DPP6: variants seen among roughly 807,000 people sequenced by gnomAD.
The protein encoded by DPP6 is A-type potassium channel modulatory protein DPP6.
Under a neutral mutation model 122.6 loss-of-function variants are expected in DPP6, and 69 were observed. The ratio of observed to expected loss-of-function variants is 0.56; its 90% CI spans 0.46 to 0.69. The LOEUF is 0.69. Among genes scored for constraint, DPP6 ranks in the 30% least tolerant of loss-of-function variants. The probability of loss-of-function intolerance (pLI) is 0.00; values close to 1 mark genes in which losing one functional copy is unlikely to be tolerated. For missense variants in DPP6, 928 were observed against 1,116.9 expected (o/e 0.83, Z 2.41); for synonymous variants, 418 against 433.1 (o/e 0.97, Z 0.43).
At chr7:154,554,452 C>G (rs562563428) in intron 4 of DPP6, among the ~76,000 whole-genome samples, 1 of 152,046 alleles carries the variant, frequency 6.6e-6, no homozygotes, top group Non-Finnish European at 1.5e-5. Flanking sequence ...CATTACTTGA[C>G]AAATTGGGGG....
intron 1 of DPP6, among the ~76,000 whole-genome samples, chr7:154,304,402 G>A (rs1806116910): frequency 6.6e-6 from 1 of 152,190 alleles, no homozygotes; most frequent in Non-Finnish European, 1.5e-5. Context: ...AGGGAGCCAG[G>A]CAGGGGCAGT....
intron 1 of DPP6, among the ~76,000 whole-genome samples, chr7:154,061,937 A>G (rs1172962174): frequency 6.8e-5 from 7 of 103,028 alleles, no homozygotes; most frequent in South Asian, 3.8e-4. Context: ...CCATCGCAGG[A>G]GGGGGAGGCA....
At chr7:154,171,367 G>A (rs117678248) in intron 1 of DPP6, among the ~76,000 whole-genome samples, 1,904 of 152,276 alleles carry the variant, frequency 0.013, 30 homozygotes, top group African/African-American at 0.042. Flanking sequence ...TTTAATACAC[G>A]TCTCGACAAC....
intron 1 of DPP6, among the ~76,000 whole-genome samples, chr7:154,147,831 G>A (rs932594609): frequency 0.041 from 5,851 of 143,962 alleles, no homozygotes; most frequent in African/African-American, 0.15. Context: ...AGTGTGAGCC[G>A]CAGCACCTGG....
intron 5 of DPP6, among the ~76,000 whole-genome samples, chr7:154,593,444 A>G (rs6968427): frequency 0.61 from 92,798 of 152,066 alleles, 28,878 homozygotes; most frequent in African/African-American, 0.72. Flanking sequence ...GTTAGATTGC[A>G]CTCTTACACT....
At chr7:154,058,472 T>A (rs1801124360) in intron 1 of DPP6, 1 of 111,678 alleles carries the variant, frequency 9.0e-6, no homozygotes, top group Admixed American at 9.2e-5. Context: ...GGTACCCCCA[T>A]CGTAGGGGGG....
intron 1 of DPP6, among the ~76,000 whole-genome samples, chr7:154,146,459 A>G (rs1244540131): frequency 6.6e-6 from 1 of 151,672 alleles, no homozygotes; most frequent in Non-Finnish European, 1.5e-5. Context: ...ATTCTTACAT[A>G]TGTGTGTCCT....
chr7:154,066,675 C>T (rs1346538729), intron 1 of DPP6, among the ~76,000 whole-genome samples: 4 of 151,360 alleles, frequency 2.6e-5, no homozygotes, highest in South Asian at 4.2e-4. Flanking sequence ...AGGGCAAGGT[C>T]ACCTTCCTGA....
intron 1 of DPP6, among the ~76,000 whole-genome samples, chr7:154,046,457 T>C (rs939820336): frequency 6.6e-6 from 1 of 152,222 alleles, no homozygotes; most frequent in Non-Finnish European, 1.5e-5. Flanking sequence ...TGTTACAGTT[T>C]ACAATATGGC....
chr7:154,727,622 C>T (rs1842127350), intron 7 of DPP6, 145 bp from the exon 8 acceptor site: 3 of 1,161,330 alleles, frequency 2.6e-6, no homozygotes, highest in Admixed American at 3.0e-5. Context: ...GGTAGACCTC[C>T]AAGAATTTTG....
At chr7:153,817,189 TA>T in the DPP6 span, among the ~76,000 whole-genome samples, 477 of 148,012 alleles carry the variant, frequency 3.2e-3, 2 homozygotes, top group African/African-American at 0.011. Context: ...CAACTAAATT[TA>T]GGGGTGTATA....
At chr7:153,823,346 C>T in the DPP6 span, among the ~76,000 whole-genome samples, 1 of 150,864 alleles carries the variant, frequency 6.6e-6, no homozygotes, top group East Asian at 2.0e-4. Flanking sequence ...CTCCCAGGTT[C>T]CAGCCCACTC....
At chr7:154,220,880 G>A (rs1376624726) in intron 1 of DPP6, among the ~76,000 whole-genome samples, 1 of 152,176 alleles carries the variant, frequency 6.6e-6, no homozygotes, top group African/African-American at 2.4e-5. Flanking sequence ...GGCTCTTCTG[G>A]AGTTCCAGGG....
chr7:154,849,672 T>G (rs1006995019), intron 16 of DPP6, among the ~76,000 whole-genome samples: 3 of 152,242 alleles, frequency 2.0e-5, no homozygotes, highest in Non-Finnish European at 4.4e-5. Flanking sequence ...TTTTCTTGCC[T>G]AATTGCTCTT....
At chr7:154,589,405 G>C (rs1832672579) in intron 5 of DPP6, among the ~76,000 whole-genome samples, 1 of 152,140 alleles carries the variant, frequency 6.6e-6, no homozygotes, top group Admixed American at 6.5e-5. Flanking sequence ...TTCTTCCCAG[G>C]CTGGGCAGTT....
intron 6 of DPP6, among the ~76,000 whole-genome samples, 159 bp from the exon 7 acceptor site, chr7:154,669,201 A>G (rs1304068458): frequency 6.6e-6 from 1 of 152,238 alleles, no homozygotes; most frequent in African/African-American, 2.4e-5. Context: ...TAGAGACTAA[A>G]TGAGACATAT....
chr7:154,696,825 A>G (rs1013431939), intron 7 of DPP6, among the ~76,000 whole-genome samples: 8 of 152,224 alleles, frequency 5.3e-5, no homozygotes, highest in African/African-American at 1.9e-4. Flanking sequence ...AAGGCCGATT[A>G]TGGAGAACCA....
In DPP6 at chr7:153,985,267, T is replaced by C. The variant is rs186963593; in HGVS notation, c.51+97533T>C. 3.9e-3 allele frequency among the ~76,000 whole-genome samples: 595 copies of C among 152,294 alleles called. 3 individuals are homozygous for C. The highest frequency in any genetic ancestry group is 0.013 in the African/African-American group (560 of 41,558). On this transcript the variant is annotated intron_variant, in intron 1 of 25. Transcript: ENST00000404039. ...TTTGAAGGGGTACAGAAATAATCTGTGGAGGGAGAGGAATCAAGAGGGACT... is the reference window on the plus strand; with the variant it reads ...TTTGAAGGGGTACAGAAATAATCTGCGGAGGGAGAGGAATCAAGAGGGACT...
intron 9 of DPP6, among the ~76,000 whole-genome samples, chr7:154,771,865 G>A (rs917252584): frequency 4.6e-5 from 7 of 152,206 alleles, no homozygotes; most frequent in African/African-American, 1.7e-4. Context: ...ATAGAGAAAA[G>A]TGTATGGGAC....
Sources: allele counts gnomAD v4.1 joint callset (sites outside exome capture counted in the v4.1 genomes callset), GRCh38; gene constraint gnomAD v4.1.1; transcripts MANE v1.5; gene names NCBI Gene and HGNC (gene_info 2026-07-23, HGNC 2026-07-21).